The following MX1 variants were observed in gnomAD, a reference collection of about 807,000 sequenced individuals.
MX1 encodes interferon-induced GTP-binding protein Mx1.
In MX1, 66 loss-of-function variants were observed where a neutral mutation model predicts 66.4. That is an observed-to-expected ratio of 0.99 (90% CI 0.82 to 1.22). MX1 has a LOEUF of 1.22. Ranked by LOEUF, MX1 falls within the 50% of genes most tolerant of loss-of-function variation. The pLI, the probability that MX1 is intolerant of heterozygous loss-of-function variation, is 0.00. For missense variants in MX1, 787 were observed against 834.3 expected, an observed-to-expected ratio of 0.94 and a Z score of 0.70; for synonymous variants, 311 against 318.1, an observed-to-expected ratio of 0.98 and a Z score of 0.24.
At position 41,436,015 on chromosome 21, in the gene MX1, T is replaced by C; in HGVS notation, c.284T>C (p.Leu95Pro). The change falls in exon 6 of 17, where the codon CTT (leucine) becomes CCT (proline). Residue 95 changes from leucine (L) to proline (P), a missense_variant. Leu to Pro is a moderately conservative substitution (Grantham distance 98). Coordinates refer to ENST00000398598, the MANE Select transcript of MX1 (RefSeq NM_002462.5). ...SVLEALSGVA[L>P]PRGSGIVTRC... The stretch of plus-strand genomic sequence containing the variant: ...TTGGAGGCACTGTCAGGAGTTGCCC[T>C]TCCCAGAGGCAGCGGTAAGAACTTA... 6.2e-7 allele frequency: 1 copy of C among 1,614,100 alleles called. No homozygotes were observed.
At chr21:41,434,158 G>A (rs2090298492) in intron 5 of MX1, among the ~76,000 whole-genome samples, 1 of 152,156 alleles carries the variant, frequency 6.6e-6, no homozygotes, top group Admixed American at 6.5e-5. Flanking sequence ...GATGAAGCAT[G>A]CACAAAAATA....
In MX1 at chr21:41,437,086, G is replaced by A. The variant is rs142837809; in HGVS notation, c.370G>A (p.Val124Ile). 6 of 1,613,914 alleles carry A rather than the reference G, an allele frequency of 3.7e-6. No individual in the cohort carries two copies. The highest frequency in any genetic ancestry group is 1.3e-5 in the African/African-American group (1 of 74,898). ...LVNEDKWRGK[V>I]SYQDYEIEIS... ...GAACGAAGATAAGTGGAGAGGCAAGGTCAGTTACCAGGACTACGAGATTGA... is the reference window on the plus strand; with the variant it reads ...GAACGAAGATAAGTGGAGAGGCAAGATCAGTTACCAGGACTACGAGATTGA... The change falls in exon 7 of 17, where the codon GTC (valine) becomes ATC (isoleucine). Residue 124 changes from valine to isoleucine, a missense_variant. By Grantham distance (29) the Val-to-Ile change is conservative (BLOSUM62 3). Transcript: ENST00000398598.
At chr21:41,421,933 G>A (rs920774366), upstream of MX1, 1 of 152,354 alleles carries the variant, frequency 6.6e-6, no homozygotes, top group Non-Finnish European at 1.5e-5. Flanking sequence ...CATCGAGCCT[G>A]GGAACTGAGC....
At chr21:41,421,528 T>A (rs1418523825), upstream of MX1, among the ~76,000 whole-genome samples, 12 of 152,170 alleles carry the variant, frequency 7.9e-5, no homozygotes, top group East Asian at 1.9e-4. Flanking sequence ...TAGGCAGAGG[T>A]CCCTGCGGCC....
chr21:41,441,886 ATCT>A lies in MX1; in HGVS notation c.906_908del (p.Phe303del), dbSNP rs1170477797. On this transcript the variant is annotated inframe_deletion, in exon 10 of 17. Transcript: ENST00000398598. The surrounding 1 kb of genome is among the most constrained non-coding windows in gnomAD (Gnocchi z 4.0). The stretch of plus-strand genomic sequence containing the variant: ...GTCCGAAGCCCTGCAGAGAGAGAAG[ATCT>A]TCTTTGAGAACCACCCATATTTCAG... 6.2e-7 allele frequency: 1 copy of A among 1,614,160 alleles called. No homozygotes were observed. The highest frequency in any genetic ancestry group is 8.5e-7 in the Non-Finnish European group (1 of 1,180,032).
intron 8 of MX1, among the ~76,000 whole-genome samples, chr21:41,440,155 A>G (rs1049088183): frequency 1.3e-5 from 2 of 152,212 alleles, no homozygotes; most frequent in African/African-American, 2.4e-5. Flanking sequence ...CAGCATATCT[A>G]AAGTGCTGTG....
In MX1 at chr21:41,449,258, G is replaced by A. The variant is rs774028811; in HGVS notation, c.1395G>A (p.Leu465=). 3 of 1,613,986 alleles carry A rather than the reference G, an allele frequency of 1.9e-6. No individual in the cohort carries two copies. The highest frequency in any genetic ancestry group is 2.2e-5 in the South Asian group (2 of 91,032). Residue 465 remains leucine (L), a synonymous_variant, in exon 14 of 17, where the codon CTG becomes CTA. Transcript: ENST00000398598. ...ETIVKQQIKA[L]EEPAVDMLHT... ...TCGTGAAACAGCAAATCAAGGCACT[G>A]GAAGAGCCGGCTGTGGATATGCTAC...
rs1171035030 is a variant in MX1, at chr21:41,452,750, GAGA to G, written c.1642_1644del (p.Lys548del). The G allele has an allele frequency of 6.2e-7, 1 of 1,614,198 alleles. No individual in the cohort carries two copies. The highest frequency in any genetic ancestry group is 1.7e-5 in the Admixed American group (1 of 60,030). On this transcript the variant is annotated inframe_deletion, in exon 16 of 17. Transcript: ENST00000398598. ...CAGGGGTGCATTGCAGAAGGTCAGAGAGAAGGAGCTGGAAGAAGAAAAGAAGAA... is the reference window on the plus strand; with the variant it reads ...CAGGGGTGCATTGCAGAAGGTCAGAGAGGAGCTGGAAGAAGAAAAGAAGAA...
chr21:41,451,679 C>G (rs530818547), intron 15 of MX1, among the ~76,000 whole-genome samples: 102 of 151,514 alleles, frequency 6.7e-4, no homozygotes, highest in Non-Finnish European at 1.1e-3. Context: ...ACTAAAAATA[C>G]AAAAAAGTAG....
chr21:41,445,870 C>T (rs987845937), intron 12 of MX1, 130 bp from the exon 13 acceptor site: 9 of 1,194,018 alleles, frequency 7.5e-6, no homozygotes, highest in Non-Finnish European at 1.0e-5. Context: ...TCTTCTTTCC[C>T]CTGATCCACA....
In MX1 at chr21:41,437,034, G is replaced by A. The variant is rs139708669; in HGVS notation, c.318G>A (p.Pro106=). The change falls in exon 7 of 17, where the codon CCG becomes CCA. Residue 106 remains proline (P), a synonymous_variant. Transcript: ENST00000398598. ...TCCTAGGGATCGTGACCAGATGCCC[G>A]CTGGTGCTGAAACTGAAGAAACTTG... ...PRGSGIVTRC[P]LVLKLKKLVN... is the part of the protein sequence containing the mutation. 531 of 1,613,914 alleles carry A rather than the reference G, an allele frequency of 3.3e-4. 4 individuals are homozygous for A. Among genetic ancestry groups the A allele is most frequent in the Middle Eastern group, 1.7e-4 (1 of 6,042 alleles).
chr21:41,436,798 G>C (rs1282448878), intron 6 of MX1, among the ~76,000 whole-genome samples: 1 of 152,182 alleles, frequency 6.6e-6, no homozygotes, highest in African/African-American at 2.4e-5. Context: ...GCGTTAGTAA[G>C]CAAAAACTCA....
At chr21:41,433,654 A>T (rs951088844) in intron 5 of MX1, among the ~76,000 whole-genome samples, 17 of 152,370 alleles carry the variant, frequency 1.1e-4, no homozygotes, top group Admixed American at 3.3e-4. Context: ...AAAACTATAA[A>T]GAAAAGCAAG....
Position 41,443,827 on chromosome 21 carries a change from G to A in MX1, c.969G>A (p.Leu323=). The A allele has an allele frequency of 2.5e-6, 4 of 1,614,232 alleles. 1 individual carries two copies. The highest frequency in any genetic ancestry group is 4.5e-5 in the East Asian group (2 of 44,892). Residue 323 remains leucine (L), a synonymous_variant, in exon 11 of 17, where the codon CTG becomes CTA. Transcript: ENST00000398598. The stretch of plus-strand genomic sequence containing the variant: ...AAGGAAAGGCCACGGTTCCCTGCCT[G>A]GCAGAAAAACTTACCAGCGAGCTCA... The part of the protein sequence containing the change: ...LEEGKATVPC[L]AEKLTSELIT...
At chr21:41,450,917 C>A in intron 14 of MX1, 1 of 205,522 alleles carries the variant, frequency 4.9e-6, no homozygotes, top group Non-Finnish European at 9.5e-6. Context: ...AAATTACATT[C>A]TTTGCAGCTA....
intron 14 of MX1, chr21:41,449,609 C>T: frequency 4.3e-6 from 1 of 230,624 alleles, no homozygotes; most frequent in Admixed American, 5.6e-5. Flanking sequence ...TCTTGCGACC[C>T]ATTCCTCAGG....
chr21:41,424,427 G>A (rs527424703), upstream of MX1, among the ~76,000 whole-genome samples: 21 of 152,294 alleles, frequency 1.4e-4, no homozygotes, highest in African/African-American at 4.8e-4. Flanking sequence ...TCCCCCTCTT[G>A]TAGGTGCAGC....
chr21:41,450,979 C>T (rs2090807176), intron 14 of MX1, 188 bp from the exon 15 acceptor site: 2 of 407,968 alleles, frequency 4.9e-6, no homozygotes, highest in Non-Finnish European at 8.7e-6. Flanking sequence ...GGGTCATTTG[C>T]TTTTAAGATT....
chr21:41,458,139 C>T (rs778340074), intron 16 of MX1, among the ~76,000 whole-genome samples: 9 of 152,058 alleles, frequency 5.9e-5, no homozygotes, highest in South Asian at 2.1e-4. Flanking sequence ...CATGGTGTGC[C>T]GCCACACCTG....
Sources: gnomAD v4.1 joint callset for allele counts (sites outside exome capture counted in the v4.1 genomes callset) on GRCh38, gnomAD v4.1.1 for gene constraint, Gnocchi (gnomAD v3.1) non-coding constraint, MANE v1.5 for transcripts, NCBI Gene and HGNC (gene_info 2026-07-23, HGNC 2026-07-21) for gene names.